PRELID2: variants seen among roughly 807,000 people sequenced by gnomAD.
The protein encoded by PRELID2 is PRELI domain-containing protein 2.
A neutral mutation model predicts 28.4 loss-of-function variants in PRELID2; 25 were observed. The observed-to-expected ratio is 0.88, with a 90% CI of 0.64 to 1.23. The LOEUF (loss-of-function observed/expected upper bound fraction) is 1.23, where lower values mean the gene tolerates loss of function less well. PRELID2 is among the 50% of genes most tolerant of loss of function. PRELID2 has a pLI of 0.00. For synonymous variants in PRELID2, 76 were observed against 71.6 expected (o/e 1.06, Z -0.31); for missense variants, 201 against 214.4 (o/e 0.94, Z 0.39).
Position 145,816,244 on chromosome 5 carries a change from G to A in PRELID2, c.368+1650C>T, listed in dbSNP as rs147649932. ...ACCATAGGCATGCACCACCACACCC[G>A]GCTAATTGTTGTATTTTTAGTAGAG... is the stretch of plus-strand genomic sequence containing the variant. On this transcript the variant is annotated intron_variant, in intron 4 of 6. Coordinates refer to ENST00000683046, the MANE Select transcript of PRELID2 (RefSeq NM_205846.3). Among the ~76,000 whole-genome samples, 1,502 of 151,474 alleles carry A rather than the reference G, an allele frequency of 9.9e-3. 30 individuals carry two copies. Among genetic ancestry groups the A allele is most frequent in the Non-Finnish European group, 0.011 (774 of 67,888 alleles).
intron 1 of PRELID2, among the ~76,000 whole-genome samples, chr5:145,705,168 A>C (rs1165633785): frequency 6.6e-6 from 1 of 152,124 alleles, no homozygotes; most frequent in Non-Finnish European, 1.5e-5. Flanking sequence ...CTGATAAAAA[A>C]ACAACAGATC....
chr5:145,728,150 A>G (rs1654148), intron 1 of PRELID2, among the ~76,000 whole-genome samples: 27,960 of 151,848 alleles, frequency 0.18, 2,958 homozygotes, highest in African/African-American at 0.29. Flanking sequence ...ACCTCTCTAG[A>G]GCACTGACCG....
intron 1 of PRELID2, among the ~76,000 whole-genome samples, chr5:145,502,263 CT>C (rs1249839458): frequency 6.6e-6 from 1 of 152,062 alleles, no homozygotes; most frequent in African/African-American, 2.4e-5. Flanking sequence ...GTGCTACCTA[CT>C]TTTGAACAAC....
intron 1 of PRELID2, among the ~76,000 whole-genome samples, chr5:145,692,605 C>CA (rs551156607): frequency 1.7e-3 from 251 of 151,862 alleles, no homozygotes; most frequent in African/African-American, 5.4e-3. Context: ...TTTTATACTA[C>CA]AAAAAAAATC....
At chr5:145,827,806 T>C (rs930258594) in intron 1 of PRELID2, among the ~76,000 whole-genome samples, 3 of 152,186 alleles carry the variant, frequency 2.0e-5, no homozygotes, top group African/African-American at 7.2e-5. Context: ...CGTCCTACAC[T>C]GCAGGACACT....
intron 1 of PRELID2, among the ~76,000 whole-genome samples, chr5:145,745,861 T>G (rs111537921): frequency 0.021 from 463 of 22,446 alleles, 6 homozygotes; most frequent in African/African-American, 0.059. Context: ...AAACTTCATC[T>G]CAAAAAAAAA....
At chr5:145,395,317 C>G in the PRELID2 span, among the ~76,000 whole-genome samples, 36 of 152,198 alleles carry the variant, frequency 2.4e-4, 1 homozygote, top group African/African-American at 6.0e-4. Context: ...GCAGGAAATT[C>G]AATGCTCCAG....
chr5:145,800,332 ACAC>A (rs1468161962), intron 4 of PRELID2, among the ~76,000 whole-genome samples: 2 of 150,842 alleles, frequency 1.3e-5, no homozygotes. Flanking sequence ...ACACACACAC[ACAC>A]GAGTTATCCC....
the PRELID2 span, among the ~76,000 whole-genome samples, chr5:145,382,262 C>G: frequency 6.6e-6 from 1 of 151,668 alleles, no homozygotes; most frequent in South Asian, 2.1e-4. Flanking sequence ...TCTTCAGTAA[C>G]CTGTGTGAAT....
At chr5:145,379,026 G>A in the PRELID2 span, among the ~76,000 whole-genome samples, 1 of 151,928 alleles carries the variant, frequency 6.6e-6, no homozygotes, top group Admixed American at 6.6e-5. Flanking sequence ...TGAATTTGAG[G>A]GTTTGATTCT....
chr5:145,494,141 A>G (rs945900112), intron 1 of PRELID2, among the ~76,000 whole-genome samples: 1 of 152,180 alleles, frequency 6.6e-6, no homozygotes, highest in African/African-American at 2.4e-5. Context: ...AGGCTTTGAG[A>G]TGTCTATTAA....
At chr5:145,789,114 CCAA>C (rs1476934559) in intron 5 of PRELID2, among the ~76,000 whole-genome samples, 3 of 152,090 alleles carry the variant, frequency 2.0e-5, no homozygotes, top group African/African-American at 7.2e-5. Flanking sequence ...TATCAATATT[CCAA>C]CAACATTTTC....
the PRELID2 span, among the ~76,000 whole-genome samples, chr5:145,392,319 A>G: frequency 6.6e-6 from 1 of 152,184 alleles, no homozygotes; most frequent in Admixed American, 6.5e-5. Flanking sequence ...AGGAGAGAGA[A>G]GTACTGAGTG....
intron 3 of PRELID2, 93 bp from the exon 4 acceptor site, chr5:145,818,147 A>AGACT: frequency 2.3e-6 from 3 of 1,323,032 alleles, no homozygotes; most frequent in Non-Finnish European, 3.1e-6. Context: ...TGGATAACCA[A>AGACT]GAGGACAAGT....
In PRELID2 at chr5:145,510,643, C is replaced by T. The variant is rs145732219; in HGVS notation, n.71-37328G>A. Among the ~76,000 whole-genome samples, 348 of 152,352 alleles carry T rather than the reference C, an allele frequency of 2.3e-3. 1 individual carries two copies. The highest frequency in any genetic ancestry group is 7.9e-3 in the African/African-American group (327 of 41,588). On this transcript the variant is annotated intron_variant and non_coding_transcript_variant, in intron 1 of 2. Coordinates refer to the PRELID2 transcript ENST00000510259. ...GGAGGCAAAGCAGAGGTGATGCTAG[C>T]TATCTCCTGGAACTGTTGATAAACC...
At chr5:145,369,175 G>A in the PRELID2 span, among the ~76,000 whole-genome samples, 2 of 151,782 alleles carry the variant, frequency 1.3e-5, no homozygotes, top group East Asian at 3.9e-4. Context: ...TTTAAGTTCT[G>A]GAATACATAT....
chr5:145,472,331 TCCACAGCC>T (rs948080425), intron 2 of PRELID2, among the ~76,000 whole-genome samples: 2 of 152,136 alleles, frequency 1.3e-5, no homozygotes, highest in Non-Finnish European at 2.9e-5. Context: ...TTAGATGCTC[TCCACAGCC>T]CCATAGGACA....
At chr5:145,728,980 G>A in intron 1 of PRELID2, 1 of 751,606 alleles carries the variant, frequency 1.3e-6, no homozygotes, top group Admixed American at 1.8e-5. Flanking sequence ...GACACAATCT[G>A]AGGATCAGAG....
intron 1 of PRELID2, among the ~76,000 whole-genome samples, chr5:145,646,909 C>A (rs997311880): frequency 1.3e-5 from 2 of 152,162 alleles, no homozygotes; most frequent in Non-Finnish European, 2.9e-5. Flanking sequence ...CGGAATGGCA[C>A]CTGCCAGATG....
Sources: gnomAD v4.1 joint callset for allele counts (sites outside exome capture counted in the v4.1 genomes callset) on GRCh38, gnomAD v4.1.1 for gene constraint, MANE v1.5 for transcripts, NCBI Gene and HGNC (gene_info 2026-07-23, HGNC 2026-07-21) for gene names.